ALDH1L1: variants seen among roughly 807,000 people sequenced by gnomAD.
ALDH1L1 encodes the protein cytosolic 10-formyltetrahydrofolate dehydrogenase.
Under a neutral mutation model 101.1 loss-of-function variants are expected in ALDH1L1, and 68 were observed. That is an observed-to-expected ratio of 0.67 (90% CI 0.55 to 0.82). The LOEUF is 0.82. Ranked by LOEUF, ALDH1L1 falls within the 40% of genes least tolerant of loss-of-function variation. The pLI is 0.00. For missense variants in ALDH1L1, 1,087 were observed against 1,172.7 expected (o/e 0.93, Z 1.07); for synonymous variants, 486 against 470.8 (o/e 1.03, Z -0.42).
At chr3:126,118,140 G>T in intron 16 of ALDH1L1, 42 bp from the exon 17 acceptor site, 1 of 1,533,700 alleles carries the variant, frequency 6.5e-7, no homozygotes, top group Non-Finnish European at 9.0e-7. Flanking sequence ...GGTCCCCCTG[G>T]TGCTGGGGAG....
Position 126,136,866 on chromosome 3 carries a change from G to A in ALDH1L1, c.1242C>T (p.Asn414=). 3 of 1,613,416 alleles carry A rather than the reference G, an allele frequency of 1.9e-6. No individual in the cohort carries two copies. The highest frequency in any genetic ancestry group is 2.5e-6 in the Non-Finnish European group (3 of 1,179,792). The stretch of plus-strand genomic sequence containing the variant: ...GGTGGGGCATGCGGACAGTGCGCTT[G>A]TTCACTGCCATTTCCACCTGAAAGA... ...CSIDYVEMAV[N]KRTVRMPHQL... is the part of the protein sequence containing the mutation. Residue 414 remains asparagine (N), a synonymous_variant, in exon 11 of 23, where the codon AAC becomes AAT. Transcript: ENST00000393434.
chr3:126,148,877 G>A (rs1009789926), intron 8 of ALDH1L1, among the ~76,000 whole-genome samples: 5 of 152,178 alleles, frequency 3.3e-5, no homozygotes, highest in African/African-American at 1.2e-4. Context: ...TTGCTGTCTA[G>A]GGGGTCACAC....
intron 20 of ALDH1L1, among the ~76,000 whole-genome samples, chr3:126,109,400 G>A (rs1945999783): frequency 6.6e-6 from 1 of 152,112 alleles, no homozygotes; most frequent in Admixed American, 6.5e-5. Flanking sequence ...AAGGGCCTGG[G>A]GGACATCCAG....
At chr3:126,125,554 A>AGAGT in intron 15 of ALDH1L1, 62 bp downstream of exon 15, 1 of 1,318,516 alleles carries the variant, frequency 7.6e-7, no homozygotes, top group Non-Finnish European at 1.0e-6. Flanking sequence ...CCTCCCTTAT[A>AGAGT]GAGTGAGTTC....
chr3:126,180,948 G>C, upstream of ALDH1L1: 1 of 1,610,598 alleles, frequency 6.2e-7, no homozygotes, highest in South Asian at 1.1e-5. Flanking sequence ...TCTCACTCTT[G>C]ATGGGCCAAG....
chr3:126,197,154 T>C (rs185927112), intron 1 of ALDH1L1, among the ~76,000 whole-genome samples: 2 of 152,174 alleles, frequency 1.3e-5, no homozygotes, highest in African/African-American at 2.4e-5. Flanking sequence ...AGAAAAAAAA[T>C]TAATGCACTC....
At chr3:126,104,981 C>T (rs571271251) in intron 22 of ALDH1L1, 20 of 157,948 alleles carry the variant, frequency 1.3e-4, no homozygotes, top group South Asian at 5.7e-4. Flanking sequence ...GAGAGCAGGA[C>T]GAGGCCCAAG....
At chr3:126,196,323 T>C (rs565562043) in intron 1 of ALDH1L1, among the ~76,000 whole-genome samples, 8 of 151,774 alleles carry the variant, frequency 5.3e-5, no homozygotes, top group African/African-American at 1.9e-4. Flanking sequence ...AACAGAGCCT[T>C]AGATTTTGAG....
rs555649639 is a variant in ALDH1L1, at chr3:126,136,023, C to T, written c.1345-361G>A. On this transcript the variant is annotated intron_variant, in intron 11 of 22. Coordinates refer to ENST00000393434, the MANE Select transcript of ALDH1L1 (RefSeq NM_012190.4). ...GGCAAAGCCAGTGCCTCCTGTCTGC[C>T]GCCACAAGACAGCCATGCCCCTTCT... Among the ~76,000 whole-genome samples the T allele has an allele frequency of 1.8e-3, 267 of 152,256 alleles. 1 individual carries two copies. Among genetic ancestry groups the T allele is most frequent in the Non-Finnish European group, 3.4e-3 (231 of 68,006 alleles).
intron 19 of ALDH1L1, among the ~76,000 whole-genome samples, chr3:126,110,739 C>G (rs1946050350): frequency 6.6e-6 from 1 of 152,174 alleles, no homozygotes; most frequent in South Asian, 2.1e-4. Context: ...CTGTGTGCCT[C>G]TGACTGTCCT....
upstream of ALDH1L1, chr3:126,181,538 C>G (rs1469489060): frequency 1.8e-5 from 3 of 163,750 alleles, no homozygotes; most frequent in Non-Finnish European, 1.4e-5. Context: ...TGATGCAGAG[C>G]CTTAGAGAGG....
In ALDH1L1 at chr3:126,131,380, C is replaced by T. The variant is rs1377897649; in HGVS notation, c.1623+4G>A. The T allele has an allele frequency of 1.3e-6, 2 of 1,592,260 alleles. No homozygotes were observed. Among genetic ancestry groups the T allele is most frequent in the Non-Finnish European group, 1.7e-6 (2 of 1,162,934 alleles). ...CTCACACTGGGTGGGAGCCTGGGCC[C>T]CACCTGGATCTTGTCACACCAGCCA... On this transcript the variant is annotated splice_donor_region_variant and intron_variant, in intron 13 of 22. Coordinates refer to ENST00000393434, the MANE Select transcript of ALDH1L1 (RefSeq NM_012190.4).
chr3:126,132,728 C>T (rs1246560046), intron 12 of ALDH1L1, among the ~76,000 whole-genome samples: 1 of 152,236 alleles, frequency 6.6e-6, no homozygotes, highest in Admixed American at 6.5e-5. Context: ...TGATAGCCTC[C>T]TCTGCCTTTC....
intron 16 of ALDH1L1, among the ~76,000 whole-genome samples, chr3:126,123,178 C>A (rs147002155): frequency 5.1e-4 from 77 of 151,740 alleles, no homozygotes; most frequent in Non-Finnish European, 8.4e-4. Flanking sequence ...AACACAAAAA[C>A]GATCATGAAA....
At chr3:126,147,154 G>A (rs923847576) in intron 8 of ALDH1L1, among the ~76,000 whole-genome samples, 3 of 152,204 alleles carry the variant, frequency 2.0e-5, no homozygotes, top group African/African-American at 7.2e-5. Context: ...GCTGGCTGCT[G>A]TCCTCATGCC....
chr3:126,170,065 AAAAT>A (rs1273320094), intron 1 of ALDH1L1, among the ~76,000 whole-genome samples: 2 of 152,224 alleles, frequency 1.3e-5, no homozygotes, highest in African/African-American at 2.4e-5. Flanking sequence ...TTCATGTAAA[AAAAT>A]AAATAAGAAA....
chr3:126,117,004 TGGGACTTTTTTTGATG>T (rs917012786), intron 17 of ALDH1L1, among the ~76,000 whole-genome samples: 1 of 152,108 alleles, frequency 6.6e-6, no homozygotes, highest in Non-Finnish European at 1.5e-5. Context: ...ACATAGACAA[TGGGACTTTTTTTGATG>T]GTAGCCACAT....
intron 1 of ALDH1L1, among the ~76,000 whole-genome samples, chr3:126,173,220 T>G (rs2081313984): frequency 6.6e-6 from 1 of 152,172 alleles, no homozygotes; most frequent in Non-Finnish European, 1.5e-5. Context: ...AGATAACAAT[T>G]TGTTCAAAAT....
chr3:126,135,784 T>G, intron 11 of ALDH1L1, 122 bp from the exon 12 acceptor site: 2 of 1,251,954 alleles, frequency 1.6e-6, no homozygotes, highest in Non-Finnish European at 1.1e-6. Context: ...CATGAGCAGG[T>G]GTGGAGGAGA....
Sources: allele counts gnomAD v4.1 joint callset (sites outside exome capture counted in the v4.1 genomes callset), GRCh38; gene constraint gnomAD v4.1.1; transcripts MANE v1.5; gene names NCBI Gene and HGNC (gene_info 2026-07-23, HGNC 2026-07-21).